The following SMIM14 variants were observed in gnomAD, a reference collection of about 807,000 sequenced individuals.
SMIM14 encodes the protein small integral membrane protein 14, also known as chromosome 4 open reading frame 34.
A neutral mutation model predicts 12.6 loss-of-function variants in SMIM14; 5 were observed. That is an observed-to-expected ratio of 0.40 (90% CI 0.21 to 0.83). The LOEUF is 0.83. Among genes scored for constraint, SMIM14 ranks in the 40% least tolerant of loss-of-function variants. The pLI, the probability that SMIM14 is intolerant of heterozygous loss-of-function variation, is 0.37. For synonymous variants in SMIM14, 30 were observed against 40.1 expected, an observed-to-expected ratio of 0.75 and a Z score of 0.95; for missense variants, 86 against 119.1, an observed-to-expected ratio of 0.72 and a Z score of 1.29.
chr4:39,619,728 TTA>T (rs1182097542), intron 1 of SMIM14, among the ~76,000 whole-genome samples: 3 of 112,842 alleles, frequency 2.7e-5, no homozygotes, highest in South Asian at 2.5e-4. Flanking sequence ...ATAAATATAA[TTA>T]TATATATCAA....
At chr4:39,606,898 TAAAA>T (rs1222597305) in intron 1 of SMIM14, among the ~76,000 whole-genome samples, 1 of 152,004 alleles carries the variant, frequency 6.6e-6, no homozygotes, top group Non-Finnish European at 1.5e-5. Context: ...CTGGTAGAGA[TAAAA>T]ACAATAGTGT....
At chr4:39,562,825 G>GTTTTTTTTTTTTTTTTTTTTTT (rs1553861796) in intron 3 of SMIM14, among the ~76,000 whole-genome samples, 21 of 128,088 alleles carry the variant, frequency 1.6e-4, no homozygotes, top group African/African-American at 8.9e-4. Flanking sequence ...TGTATTTTTA[G>GTTTTTTTTTTTTTTTTTTTTTT]TAGAGACGGT....
At chr4:39,605,562 G>T (rs1714772500) in intron 1 of SMIM14, among the ~76,000 whole-genome samples, 2 of 152,058 alleles carry the variant, frequency 1.3e-5, no homozygotes, top group Admixed American at 1.3e-4. Flanking sequence ...TATCTAAAAT[G>T]ATACCAAGGT....
intron 2 of SMIM14, among the ~76,000 whole-genome samples, chr4:39,575,005 A>G (rs1438978860): frequency 6.6e-6 from 1 of 152,058 alleles, no homozygotes; most frequent in African/African-American, 2.4e-5. Context: ...GCCTGGTGGT[A>G]GTAGACCTTG....
chr4:39,563,733 A>C (rs1011911575), intron 3 of SMIM14, among the ~76,000 whole-genome samples: 5 of 152,154 alleles, frequency 3.3e-5, no homozygotes, highest in African/African-American at 1.2e-4. Flanking sequence ...GGACTAGTAT[A>C]GCATTTCTAG....
At chr4:39,564,810 C>A (rs1024530079) in intron 3 of SMIM14, among the ~76,000 whole-genome samples, 2 of 152,182 alleles carry the variant, frequency 1.3e-5, no homozygotes, top group African/African-American at 4.8e-5. Context: ...ATTTCAGGCA[C>A]AAGGAACAGC....
intron 1 of SMIM14, among the ~76,000 whole-genome samples, chr4:39,631,577 T>C (rs1188454064): frequency 1.3e-5 from 2 of 151,412 alleles, no homozygotes; most frequent in Non-Finnish European, 1.5e-5. Flanking sequence ...GAGAATGGCA[T>C]GAACCCGGGA....
At chr4:39,597,404 T>C (rs575630252) in intron 2 of SMIM14, among the ~76,000 whole-genome samples, 1 of 151,878 alleles carries the variant, frequency 6.6e-6, no homozygotes, top group African/African-American at 2.4e-5. Flanking sequence ...CCAAGACCTG[T>C]CCTCCATTTC....
At chr4:39,601,168 A>G (rs2110053232) in intron 2 of SMIM14, among the ~76,000 whole-genome samples, 1 of 152,284 alleles carries the variant, frequency 6.6e-6, no homozygotes, top group Middle Eastern at 3.4e-3. Context: ...AAGCTCATCT[A>G]TTTCTACAGA....
At chr4:39,589,997 T>A (rs1713978399) in intron 2 of SMIM14, among the ~76,000 whole-genome samples, 3 of 116,302 alleles carry the variant, frequency 2.6e-5, no homozygotes, top group Non-Finnish European at 4.9e-5. Context: ...CACTCCAGCC[T>A]GGGCAACACA....
At chr4:39,578,556 C>T (rs1234266658) in intron 2 of SMIM14, among the ~76,000 whole-genome samples, 1 of 152,128 alleles carries the variant, frequency 6.6e-6, no homozygotes, top group Non-Finnish European at 1.5e-5. Flanking sequence ...ATGGGTGCCA[C>T]ATGTGGACAG....
chr4:39,591,874 T>G (rs1277967962), intron 2 of SMIM14, among the ~76,000 whole-genome samples: 1 of 152,158 alleles, frequency 6.6e-6, no homozygotes. Flanking sequence ...CCCTATAATG[T>G]GTACTTTAAA....
chr4:39,576,660 G>GTGTGTATATA lies in SMIM14; in HGVS notation c.76-4198_76-4197insTATATACACA, dbSNP rs1339477098. ...CTTATACCTATGTGTGTGTGTATGTGTATATATATATATATATATATATAT... is the reference window on the plus strand; with the variant it reads ...CTTATACCTATGTGTGTGTGTATGTGTGTGTATATATATATATATATATATATATATATAT... On this transcript the variant is annotated intron_variant, in intron 2 of 4. Transcript: ENST00000295958. Among the ~76,000 whole-genome samples the GTGTGTATATA allele has an allele frequency of 1.4e-4, 10 of 72,378 alleles. 1 individual carries two copies. In the East Asian group the frequency reaches 3.7e-3, roughly 26 times the overall value. 47.5% of individuals were successfully genotyped at this position (72,378 alleles called of 152,430 possible).
chr4:39,638,097 G>C (rs1350114129), intron 1 of SMIM14: 1 of 152,178 alleles, frequency 6.6e-6, no homozygotes, highest in Non-Finnish European at 1.5e-5. Context: ...CAGCAACACG[G>C]GACTTCGGGT....
chr4:39,603,433 C>A (rs910958158), intron 2 of SMIM14, among the ~76,000 whole-genome samples: 1 of 151,950 alleles, frequency 6.6e-6, no homozygotes, highest in African/African-American at 2.4e-5. Context: ...GGGGCGGGCA[C>A]CTGTAGTCCC....
rs1263434175 is a variant in SMIM14 at position 39,638,801 on chromosome 4, G to A, written c.-98C>T. On this transcript the variant is annotated 5_prime_UTR_variant, in exon 1 of 5. Transcript: ENST00000295958. ...GGCCGGGACCGAGGCTCGGCAGAAA[G>A]ACCGCCTGGAGCTTCCAGAAGGCTG... 1.0e-6 allele frequency: 1 copy of A among 985,652 alleles called. No individual in the cohort carries two copies. Among genetic ancestry groups the A allele is most frequent in the Non-Finnish European group, 1.2e-6 (1 of 830,198 alleles). The allele number at this position is 985,652 out of a possible 1,614,324, so 61.1% of individuals were successfully genotyped here.
intron 4 of SMIM14, among the ~76,000 whole-genome samples, chr4:39,554,314 A>T (rs1004202721): frequency 6.6e-6 from 1 of 152,236 alleles, no homozygotes; most frequent in African/African-American, 2.4e-5. Context: ...ATCTACTAAA[A>T]ATACAAAAAT....
chr4:39,625,217 CAAA>C (rs555489081), intron 1 of SMIM14, among the ~76,000 whole-genome samples: 4 of 56,270 alleles, frequency 7.1e-5, no homozygotes, highest in Non-Finnish European at 1.1e-4. Context: ...GACATCATCT[CAAA>C]AAAAAAAAAA....
intron 2 of SMIM14, among the ~76,000 whole-genome samples, chr4:39,575,561 C>A (rs1025492686): frequency 2.0e-5 from 3 of 151,552 alleles, no homozygotes; most frequent in African/African-American, 7.3e-5. Context: ...AGGAGTGAAT[C>A]AAAAAACTCT....
Sources: gnomAD v4.1 joint callset for allele counts (sites outside exome capture counted in the v4.1 genomes callset) on GRCh38, gnomAD v4.1.1 for gene constraint, MANE v1.5 for transcripts, NCBI Gene and HGNC (gene_info 2026-07-23, HGNC 2026-07-21) for gene names.